EPB41L5: variants seen among roughly 807,000 people sequenced by gnomAD.
The protein encoded by EPB41L5 is erythrocyte membrane protein band 4.1 like 5, also known as band 4.1-like protein 5.
EPB41L5 carries 55 observed loss-of-function variants against 106.6 expected under a neutral mutation model. The ratio of observed to expected loss-of-function variants is 0.52; its 90% CI spans 0.42 to 0.65. The LOEUF (loss-of-function observed/expected upper bound fraction) is 0.65. EPB41L5 is among the 30% of genes least tolerant of loss of function. The pLI is 0.00. For missense variants in EPB41L5, 871 were observed against 882.1 expected, an observed-to-expected ratio of 0.99 and a Z score of 0.16; for synonymous variants, 297 against 306.7, an observed-to-expected ratio of 0.97 and a Z score of 0.33.
chr2:120,028,724 G>A (rs1330055821), intron 2 of EPB41L5, among the ~76,000 whole-genome samples: 1 of 152,004 alleles, frequency 6.6e-6, no homozygotes, highest in African/African-American at 2.4e-5. Flanking sequence ...GGGGAGTGAG[G>A]ACTAGTGCTT....
chr2:120,066,377 C>T (rs1039711729), intron 3 of EPB41L5, among the ~76,000 whole-genome samples: 1 of 152,036 alleles, frequency 6.6e-6, no homozygotes, highest in African/African-American at 2.4e-5. Flanking sequence ...TATATCTTGA[C>T]AAAACAATTT....
At chr2:120,104,357 A>G in intron 16 of EPB41L5, 1 of 1,416,328 alleles carries the variant, frequency 7.1e-7, no homozygotes, top group Non-Finnish European at 9.2e-7. Context: ...ACAGTGAGTC[A>G]CTAGTTGTTC....
chr2:120,166,764 A>G (rs1365039935), intron 22 of EPB41L5, among the ~76,000 whole-genome samples: 1 of 152,208 alleles, frequency 6.6e-6, no homozygotes, highest in African/African-American at 2.4e-5. Flanking sequence ...GTGGTTATCT[A>G]ATTTACTAAT....
At position 120,070,486 on chromosome 2, in the gene EPB41L5, C is replaced by CCAG. The variant is rs1301806972; in HGVS notation, c.286-2689_286-2687dup. Among the ~76,000 whole-genome samples, 5 of 152,166 alleles carry CCAG rather than the reference C, an allele frequency of 3.3e-5. No individual in the cohort carries two copies. In the East Asian group the frequency reaches 9.6e-4, roughly 29 times the overall value. ...CGCCTCCCTAACTCATTTTATGAGGCCAGCATCATCCTGTTACCAAAACCT... is the reference window on the plus strand; with the variant it reads ...CGCCTCCCTAACTCATTTTATGAGGCCAGCAGCATCATCCTGTTACCAAAACCT... On this transcript the variant is annotated intron_variant, in intron 3 of 24. Coordinates refer to ENST00000263713, the MANE Select transcript of EPB41L5 (RefSeq NM_020909.4).
intron 3 of EPB41L5, 96 bp from the exon 4 acceptor site, chr2:120,073,080 TTA>T (rs1681987964): frequency 2.9e-6 from 3 of 1,025,846 alleles, no homozygotes; most frequent in Non-Finnish European, 4.4e-6. Flanking sequence ...TTCCTTGCGG[TTA>T]TCAGTGTAGG....
intron 3 of EPB41L5, among the ~76,000 whole-genome samples, chr2:120,056,173 G>T (rs917914198): frequency 1.3e-5 from 2 of 150,834 alleles, no homozygotes; most frequent in Admixed American, 6.6e-5. Flanking sequence ...TGCTTTTTCT[G>T]CATTTATTGA....
rs1687323838 is a variant in EPB41L5, at chr2:120,164,927, A to G, written c.1962+17A>G. 2 of 1,562,460 alleles carry G rather than the reference A, an allele frequency of 1.3e-6. No homozygotes were observed. The highest frequency in any genetic ancestry group is 1.7e-6 in the Non-Finnish European group (2 of 1,147,522). ...GCACCTCAGGTAAATATGCTTTAAA[A>G]TAGTATGATGGAAAGAAATTTCTGT... is the stretch of plus-strand genomic sequence containing the variant. On this transcript the variant is annotated intron_variant, in intron 22 of 24. Transcript: ENST00000263713.
At chr2:120,077,172 GTATAGAATT>G (rs1682304749) in intron 8 of EPB41L5, 48 bp from the exon 9 acceptor site, 2 of 1,582,904 alleles carry the variant, frequency 1.3e-6, no homozygotes, top group South Asian at 2.3e-5. Flanking sequence ...TCTATCCTTG[GTATAGAATT>G]TATTTTATAT....
intron 20 of EPB41L5, among the ~76,000 whole-genome samples, chr2:120,154,887 C>G (rs1251573341): frequency 6.6e-6 from 1 of 152,026 alleles, no homozygotes; most frequent in Non-Finnish European, 1.5e-5. Flanking sequence ...GATCGTGCCA[C>G]TGCAGTCCAG....
chr2:120,058,780 T>G (rs1165210261), intron 3 of EPB41L5, among the ~76,000 whole-genome samples: 1 of 152,122 alleles, frequency 6.6e-6, no homozygotes, highest in African/African-American at 2.4e-5. Context: ...AAACATATTT[T>G]TAAAAATAGC....
chr2:120,108,233 A>C (rs898467309), intron 16 of EPB41L5: 1 of 152,108 alleles, frequency 6.6e-6, no homozygotes, highest in African/African-American at 2.4e-5. Flanking sequence ...TTATATTGGC[A>C]TGGAAAAGAG....
chr2:120,161,817 C>T (rs1687150691), intron 21 of EPB41L5, among the ~76,000 whole-genome samples: 1 of 152,132 alleles, frequency 6.6e-6, no homozygotes, highest in African/African-American at 2.4e-5. Context: ...GTGAACTGTG[C>T]ACACGAGGGA....
At chr2:120,146,033 G>T (rs1686388472) in intron 19 of EPB41L5, among the ~76,000 whole-genome samples, 192 bp from the exon 20 acceptor site, 1 of 152,104 alleles carries the variant, frequency 6.6e-6, no homozygotes, top group South Asian at 2.1e-4. Flanking sequence ...AGGAATCTTT[G>T]ATTATTAATT....
chr2:120,014,776 CAG>C (rs1677396874), intron 1 of EPB41L5, among the ~76,000 whole-genome samples: 1 of 151,952 alleles, frequency 6.6e-6, no homozygotes, highest in African/African-American at 2.4e-5. Context: ...GCAGAGCAAA[CAG>C]AGGGGAGTAG....
At chr2:120,091,297 T>A (rs923139705) in intron 12 of EPB41L5, among the ~76,000 whole-genome samples, 1 of 152,164 alleles carries the variant, frequency 6.6e-6, no homozygotes, top group African/African-American at 2.4e-5. Context: ...AGGACAGATA[T>A]TTCAAACTTA....
In EPB41L5 at chr2:120,106,402, G is replaced by A. The variant is rs566644667; in HGVS notation, c.1337+5588G>A. The A allele has an allele frequency of 4.1e-6, 4 of 985,168 alleles. No homozygotes were observed. The African/African-American group carries it at 7.0e-5, about 17-fold the overall frequency. The allele number at this position is 985,168 out of a possible 1,614,324, so 61.0% of individuals were successfully genotyped here. A position where few individuals can be genotyped will look rare whatever the true frequency, so the allele number is the denominator to read the frequency against. ...TATTTGCAAGATGGATATATATGTT[G>A]TTTCCAGAGCTCTCAGGTATTTATA... is the stretch of plus-strand genomic sequence containing the variant. On this transcript the variant is annotated intron_variant, in intron 16 of 24. Transcript: ENST00000263713.
intron 3 of EPB41L5, 101 bp downstream of exon 3, chr2:120,042,211 T>A: frequency 1.2e-6 from 1 of 851,626 alleles, no homozygotes; most frequent in Non-Finnish European, 1.9e-6. Flanking sequence ...TGATGTGTTA[T>A]TGTGATATAA....
intron 5 of EPB41L5, chr2:120,074,411 G>T: frequency 2.6e-6 from 1 of 384,910 alleles, no homozygotes. Context: ...GGTGACTAGT[G>T]AGTTCTTTTT....
chr2:120,167,570 T>C (rs1687471172), intron 23 of EPB41L5, 63 bp downstream of exon 23: 2 of 1,503,854 alleles, frequency 1.3e-6, no homozygotes, highest in Non-Finnish European at 1.8e-6. Flanking sequence ...CCTAAAGGAT[T>C]ACTAGGTTCT....
Sources: allele counts gnomAD v4.1 joint callset (sites outside exome capture counted in the v4.1 genomes callset), GRCh38; gene constraint gnomAD v4.1.1; transcripts MANE v1.5; gene names NCBI Gene and HGNC (gene_info 2026-07-23, HGNC 2026-07-21).